The following PCNX1 variants were observed in gnomAD, a reference collection of about 807,000 sequenced individuals.
PCNX1 encodes pecanex 1.
Under a neutral mutation model 242.2 loss-of-function variants are expected in PCNX1, and 78 were observed. The observed-to-expected ratio is 0.32, with a 90% CI of 0.27 to 0.39. The LOEUF is 0.39. PCNX1 is among the 10% of genes least tolerant of loss of function. PCNX1 has a pLI of 1.00. For synonymous variants in PCNX1, 1,024 were observed against 1,032.9 expected (o/e 0.99, Z 0.17); for missense variants, 2,581 against 2,856.5 (o/e 0.90, Z 2.20).
intron 20 of PCNX1, among the ~76,000 whole-genome samples, chr14:71,046,082 A>G (rs2079837835): frequency 6.6e-6 from 1 of 152,096 alleles, no homozygotes; most frequent in Non-Finnish European, 1.5e-5. Context: ...AGAGTAAATC[A>G]TTCAGTTGCT....
chr14:71,047,685 G>A, intron 21 of PCNX1, 122 bp from the exon 22 acceptor site: 1 of 727,994 alleles, frequency 1.4e-6, no homozygotes, highest in Non-Finnish European at 2.2e-6. Context: ...ATCATTTTTG[G>A]AAGCTTACAT....
chr14:71,070,550 T>C (rs1377261130), intron 26 of PCNX1, among the ~76,000 whole-genome samples: 2 of 152,220 alleles, frequency 1.3e-5, no homozygotes, highest in Non-Finnish European at 2.9e-5. Context: ...GTCTTGTACA[T>C]TTCCATCAGA....
Position 71,110,832 on chromosome 14 carries a change from C to T in PCNX1, c.*897C>T, listed in dbSNP as rs2062740621. ...GGAGCCCATGTGCTCTGCTTCTCTC[C>T]ACCAGAGCAAGCTCTGCTGGGCGTG... On this transcript the variant is annotated 3_prime_UTR_variant, in exon 36 of 36. Coordinates refer to ENST00000304743, the MANE Select transcript of PCNX1 (RefSeq NM_014982.3). 6.5e-6 allele frequency: 1 copy of T among 152,682 alleles called. No individual in the cohort carries two copies. Among genetic ancestry groups the T allele is most frequent in the African/African-American group, 2.4e-5 (1 of 41,454 alleles). The allele number at this position is 152,682 out of a possible 1,614,324, so 9.5% of individuals were successfully genotyped here.
At chr14:70,935,528 C>A (rs575752662) in intron 1 of PCNX1, among the ~76,000 whole-genome samples, 42 of 152,296 alleles carry the variant, frequency 2.8e-4, no homozygotes, top group African/African-American at 9.9e-4. Context: ...TGATCTTTGA[C>A]TCTTTTTGTA....
chr14:71,081,515 G>A (rs1222374557), intron 28 of PCNX1, among the ~76,000 whole-genome samples: 1 of 152,090 alleles, frequency 6.6e-6, no homozygotes, highest in African/African-American at 2.4e-5. Context: ...TTTTTGGTTG[G>A]TAGGCTATTA....
chr14:71,032,078 G>C, intron 16 of PCNX1: 1 of 644,386 alleles, frequency 1.6e-6, no homozygotes, highest in Admixed American at 2.4e-5. Context: ...GAGAGAGAGA[G>C]AAAGTTTCCT....
Position 70,977,132 on chromosome 14 carries a change from T to C in PCNX1, c.795T>C (p.Ser265=). 6.2e-7 allele frequency: 1 copy of C among 1,614,212 alleles called. No homozygotes were observed. The highest frequency in any genetic ancestry group is 1.1e-5 in the South Asian group (1 of 91,086). The change falls in exon 6 of 36, where the codon TCT becomes TCC. Residue 265 remains serine, a synonymous_variant. Transcript: ENST00000304743. ...LSSACDTEVA[S]LVPLHSHSYR... is the part of the protein sequence containing the mutation. The stretch of plus-strand genomic sequence containing the variant: ...GCGCCTGTGACACAGAAGTAGCTTC[T>C]CTTGTACCTTTACACTCACACTCTT...
chr14:70,923,639 C>A (rs1310509744), intron 1 of PCNX1, among the ~76,000 whole-genome samples: 2 of 152,178 alleles, frequency 1.3e-5, no homozygotes, highest in Non-Finnish European at 2.9e-5. Flanking sequence ...TCTCCCCTAC[C>A]ATACTAGTGT....
chr14:71,010,045 A>G (rs2059780069), intron 9 of PCNX1, among the ~76,000 whole-genome samples: 1 of 152,148 alleles, frequency 6.6e-6, no homozygotes, highest in African/African-American at 2.4e-5. Context: ...GGTCAGATAT[A>G]AAAGTTATTT....
At chr14:70,945,010 G>A (rs1359236139) in intron 1 of PCNX1, among the ~76,000 whole-genome samples, 1 of 152,086 alleles carries the variant, frequency 6.6e-6, no homozygotes, top group East Asian at 1.9e-4. Context: ...TTTCTTCATA[G>A]CAGCATGAGA....
intron 1 of PCNX1, among the ~76,000 whole-genome samples, chr14:70,932,682 G>A (rs2140171652): frequency 6.6e-6 from 1 of 151,876 alleles, no homozygotes; most frequent in East Asian, 1.9e-4. Flanking sequence ...GTGCAATCTT[G>A]GCTCACTGCA....
At chr14:71,040,935 GT>G (rs2060685803) in intron 19 of PCNX1, among the ~76,000 whole-genome samples, 1 of 151,838 alleles carries the variant, frequency 6.6e-6, no homozygotes, top group Non-Finnish European at 1.5e-5. Context: ...GAGAACATCT[GT>G]ACCAGGCTTA....
chr14:70,927,230 T>C (rs2056626659), intron 1 of PCNX1, among the ~76,000 whole-genome samples: 1 of 152,222 alleles, frequency 6.6e-6, no homozygotes, highest in Admixed American at 6.5e-5. Flanking sequence ...AGGTGTTCAG[T>C]AAATTGTTGC....
chr14:71,086,767 T>C (rs545221925), intron 28 of PCNX1, among the ~76,000 whole-genome samples: 1 of 152,332 alleles, frequency 6.6e-6, no homozygotes, highest in South Asian at 2.1e-4. Context: ...CAGAGGCCTC[T>C]GTCTCAATTT....
chr14:71,074,990 C>CTTTT (rs900279128), intron 27 of PCNX1, among the ~76,000 whole-genome samples: 11 of 101,102 alleles, frequency 1.1e-4, no homozygotes, highest in East Asian at 5.7e-4. Flanking sequence ...CTTTTCTTCT[C>CTTTT]TTTTTTTTTT....
At chr14:70,925,277 C>T (rs565043401) in intron 1 of PCNX1, among the ~76,000 whole-genome samples, 6 of 152,306 alleles carry the variant, frequency 3.9e-5, no homozygotes, top group East Asian at 3.9e-4. Flanking sequence ...GCATGAGCCA[C>T]GAAGCCCGGC....
In PCNX1 at chr14:71,019,108, C is replaced by G. The variant is rs1192625259; in HGVS notation, c.3096C>G (p.Ile1032Met). 1 of 1,613,208 alleles carries G rather than the reference C, an allele frequency of 6.2e-7. No homozygotes were observed. The highest frequency in any genetic ancestry group is 8.5e-7 in the Non-Finnish European group (1 of 1,179,568). The part of the protein sequence containing the change: ...ILLIQGFFRD[I>M]WVFQFCLVIA... ...TCATACAAGGATTCTTCAGAGATATCTGGGTCTTCCAGTTCTGCCTCGTCA... is the reference window on the plus strand; with the variant it reads ...TCATACAAGGATTCTTCAGAGATATGTGGGTCTTCCAGTTCTGCCTCGTCA... The change falls in exon 12 of 36, where the codon ATC becomes ATG. Residue 1032 changes from isoleucine (I) to methionine (M), a missense_variant. By Grantham distance (10) the Ile-to-Met change is conservative (BLOSUM62 1). Transcript: ENST00000304743.
chr14:70,908,977 TAGTC>T (rs1192117579), intron 1 of PCNX1, among the ~76,000 whole-genome samples: 22 of 152,176 alleles, frequency 1.4e-4, no homozygotes, highest in Non-Finnish European at 7.4e-5. Flanking sequence ...AATTTTAAAG[TAGTC>T]AGAGGGGAGG....
intron 6 of PCNX1, 144 bp downstream of exon 6, chr14:70,978,792 A>G (rs539789226): frequency 9.9e-5 from 76 of 764,058 alleles, no homozygotes; most frequent in Non-Finnish European, 1.2e-4. Flanking sequence ...ATGAAGAAGT[A>G]GGTGATTATC....
Sources: allele counts gnomAD v4.1 joint callset (sites outside exome capture counted in the v4.1 genomes callset), GRCh38; gene constraint gnomAD v4.1.1; transcripts MANE v1.5; gene names NCBI Gene and HGNC (gene_info 2026-07-23, HGNC 2026-07-21).